The following MYT1 variants were observed in gnomAD, a reference collection of about 807,000 sequenced individuals.
The protein encoded by MYT1 is myelin transcription factor I.
Under a neutral mutation model 123.0 loss-of-function variants are expected in MYT1, and 23 were observed. The ratio of observed to expected loss-of-function variants is 0.19; its 90% CI spans 0.13 to 0.26. MYT1 has a LOEUF of 0.26. Ranked by LOEUF, MYT1 falls within the 10% of genes least tolerant of loss-of-function variation. MYT1 has a pLI of 1.00. For synonymous variants in MYT1, 518 were observed against 575.3 expected (o/e 0.90, Z 1.43); for missense variants, 1,125 against 1,472.5 (o/e 0.76, Z 3.86).
Position 64,208,040 on chromosome 20 carries a change from G to C in MYT1, c.844G>C (p.Glu282Gln). ...EEDEEEEEEE[E>Q]EEEEEEEEEE... is the part of the protein sequence containing the mutation. Reference sequence around the variant, plus strand: ...GGATGAAGAAGAGGAAGAGGAAGAGGAGGAGGAAGAGGAAGAGGAGGAGGA... The same window carrying C: ...GGATGAAGAAGAGGAAGAGGAAGAGCAGGAGGAAGAGGAAGAGGAGGAGGA... Residue 282 changes from glutamate to glutamine, a missense_variant, in exon 7 of 23, where the codon GAG becomes CAG. Transcript: ENST00000328439. The surrounding 1 kb of genome is among the most constrained non-coding windows in gnomAD (Gnocchi z 5.4). The C allele has an allele frequency of 1.0e-5, 16 of 1,601,736 alleles. No individual in the cohort carries two copies. The highest frequency in any genetic ancestry group is 1.4e-5 in the Non-Finnish European group (16 of 1,174,822).
chr20:64,239,023 C>A (rs1036481619), intron 21 of MYT1, among the ~76,000 whole-genome samples: 5 of 152,226 alleles, frequency 3.3e-5, no homozygotes, highest in Non-Finnish European at 5.9e-5. Context: ...GGAATGAGCT[C>A]CCCACTCCTG....
intron 2 of MYT1, among the ~76,000 whole-genome samples, chr20:64,195,582 G>T (rs1019383509): frequency 6.6e-6 from 1 of 151,962 alleles, no homozygotes; most frequent in South Asian, 2.1e-4. Flanking sequence ...TTTCAGTAGA[G>T]ATGGGGTTTC....
Position 64,218,870 on chromosome 20 carries a change from C to T in MYT1, c.1847-41C>T, listed in dbSNP as rs199843042. The T allele has an allele frequency of 5.6e-6, 9 of 1,612,454 alleles. No individual in the cohort carries two copies. Among genetic ancestry groups the T allele is most frequent in the Non-Finnish European group, 7.6e-6 (9 of 1,180,032 alleles). ...AGGCCTCTTCCCCCAGGCACAGCCC[C>T]TCCAGTAGTTATGTGAGGAGCACTT... On this transcript the variant is annotated intron_variant, in intron 11 of 22. Coordinates refer to ENST00000328439, the MANE Select transcript of MYT1 (RefSeq NM_004535.3). This position sits in a 1 kb window ranked among gnomAD's most constrained non-coding sequence, Gnocchi z 4.0.
At chr20:64,217,397 C>A in intron 11 of MYT1, 116 bp downstream of exon 11, 1 of 1,149,734 alleles carries the variant, frequency 8.7e-7, no homozygotes, top group South Asian at 1.4e-5. Context: ...GGAAACTCTA[C>A]CCTCATGGGA....
At chr20:64,176,452 C>G in intron 1 of MYT1, among the ~76,000 whole-genome samples, 1 of 150,514 alleles carries the variant, frequency 6.6e-6, no homozygotes, top group Non-Finnish European at 1.5e-5. Flanking sequence ...GCATCTTTCC[C>G]TGTAGTTGTG....
intron 1 of MYT1, among the ~76,000 whole-genome samples, chr20:64,179,333 C>T (rs370197390): frequency 6.6e-6 from 1 of 152,238 alleles, no homozygotes; most frequent in Non-Finnish European, 1.5e-5. Flanking sequence ...GTGGGAGGTT[C>T]TCCCTTCACC....
At chr20:64,235,323 C>G (rs1601726315) in intron 19 of MYT1, among the ~76,000 whole-genome samples, 1 of 106,976 alleles carries the variant, frequency 9.3e-6, no homozygotes, top group African/African-American at 4.2e-5. Context: ...GGTGGGTGAC[C>G]CTGGGCTGGC....
chr20:64,190,212 T>G lies in MYT1; in HGVS notation c.-1+52T>G, dbSNP rs1982922960. On this transcript the variant is annotated intron_variant, in intron 2 of 22. Transcript: ENST00000328439. This position sits in a 1 kb window ranked among gnomAD's most constrained non-coding sequence, Gnocchi z 4.1. ...CGTAGGGCCCCACCCCATGGCTGCC[T>G]GCACAAAGCCTCTCTTCAGCTGCAG... 1 of 152,652 alleles carries G rather than the reference T, an allele frequency of 6.6e-6. No homozygotes were observed. The highest frequency in any genetic ancestry group is 2.1e-4 in the South Asian group (1 of 4,834). 9.5% of individuals were successfully genotyped at this position (152,652 alleles called of 1,614,324 possible). A position where few individuals can be genotyped will look rare whatever the true frequency, so the allele number is the denominator to read the frequency against.
intron 1 of MYT1, among the ~76,000 whole-genome samples, chr20:64,181,189 G>A (rs917979750): frequency 3.3e-5 from 5 of 152,032 alleles, no homozygotes; most frequent in Admixed American, 6.5e-5. Flanking sequence ...TTATAGTGCC[G>A]GGCTTGGTTG....
At position 64,212,163 on chromosome 20, in the gene MYT1, GT is replaced by G; in HGVS notation, c.1517+26del. On this transcript the variant is annotated intron_variant, in intron 9 of 22. Coordinates refer to ENST00000328439, the MANE Select transcript of MYT1 (RefSeq NM_004535.3). The surrounding 1 kb of genome is among the most constrained non-coding windows in gnomAD (Gnocchi z 6.8). ...GGTACTTGGACTGAGCTGGGCCGTA[GT>G]GGGGGCCAGGGTGGGGGCCGTGGTG... 3.5e-6 allele frequency: 5 copies of G among 1,410,102 alleles called. No individual in the cohort carries two copies. The highest frequency in any genetic ancestry group is 2.1e-5 in the African/African-American group (1 of 46,610). The allele number at this position is 1,410,102 out of a possible 1,614,324, so 87.3% of individuals were successfully genotyped here.
chr20:64,219,272 G>A (rs1489560291), intron 12 of MYT1, among the ~76,000 whole-genome samples: 1 of 152,192 alleles, frequency 6.6e-6, no homozygotes, highest in Non-Finnish European at 1.5e-5. Flanking sequence ...GCGAACACAA[G>A]TTCCCACGTG....
In MYT1 at chr20:64,208,144, C is replaced by T. The variant is rs1983553442; in HGVS notation, c.948C>T (p.Asp316=). ...EAAPDVIFQE[D]TSHTSAQKAP... ...CTCCTGATGTGATCTTTCAGGAAGA[C>T]ACCTCTCACACCTCTGCCCAGAAGG... The change falls in exon 7 of 23, where the codon GAC becomes GAT. Residue 316 remains aspartate, a synonymous_variant. Transcript: ENST00000328439. The surrounding 1 kb of genome is among the most constrained non-coding windows in gnomAD (Gnocchi z 5.4). The T allele has an allele frequency of 1.9e-6, 3 of 1,612,618 alleles. No individual in the cohort carries two copies. The highest frequency in any genetic ancestry group is 1.7e-5 in the Admixed American group (1 of 59,968).
Position 64,167,955 on chromosome 20 carries a change from C to G in MYT1, c.-99+3216C>G, listed in dbSNP as rs541234391. Among the ~76,000 whole-genome samples, 1 of 152,356 alleles carries G rather than the reference C, an allele frequency of 6.6e-6. No homozygotes were observed. The highest frequency in any genetic ancestry group is 2.1e-4 in the South Asian group (1 of 4,826). ...GAAGAGAGCAGTGGCTGCCGTGCTG[C>G]TCCCCCGTGGGCTTCCTGCTCTTTG... On this transcript the variant is annotated intron_variant, in intron 1 of 22. Transcript: ENST00000328439. This position sits in a 1 kb window ranked among gnomAD's most constrained non-coding sequence, Gnocchi z 6.3.
chr20:64,217,025 G>C (rs767160461), intron 10 of MYT1, 42 bp from the exon 11 acceptor site: 1 of 1,579,586 alleles, frequency 6.3e-7, no homozygotes, highest in East Asian at 2.3e-5. Flanking sequence ...GGGATCCCCA[G>C]GTCCCATCTC....
chr20:64,235,345 A>G (rs1338833798), intron 19 of MYT1, among the ~76,000 whole-genome samples: 15 of 113,606 alleles, frequency 1.3e-4, no homozygotes, highest in African/African-American at 3.4e-4. Flanking sequence ...GTGGTGGGTG[A>G]CCCTGGGATG....
rs1013724325 is a variant in MYT1, at chr20:64,193,735, C to T, written c.-1+3575C>T. ...ATGGTCCGCTGGGACTCAGCAGGTG[C>T]TCTTCCTCTTCTTCTAGGTCTCTGG... On this transcript the variant is annotated intron_variant, in intron 2 of 22. Coordinates refer to ENST00000328439, the MANE Select transcript of MYT1 (RefSeq NM_004535.3). This position sits in a 1 kb window ranked among gnomAD's most constrained non-coding sequence, Gnocchi z 4.0. Among the ~76,000 whole-genome samples the T allele has an allele frequency of 1.3e-5, 2 of 152,202 alleles. No individual in the cohort carries two copies. Among genetic ancestry groups the T allele is most frequent in the African/African-American group, 2.4e-5 (1 of 41,522 alleles).
chr20:64,219,182 G>T, intron 12 of MYT1, 147 bp downstream of exon 12: 1 of 1,168,710 alleles, frequency 8.6e-7, no homozygotes, highest in Non-Finnish European at 1.2e-6. Context: ...CTCCCTCCTG[G>T]CCATGGCCCC....
chr20:64,237,959 CG>C (rs1474620759), intron 21 of MYT1, among the ~76,000 whole-genome samples: 1 of 152,138 alleles, frequency 6.6e-6, no homozygotes, highest in Non-Finnish European at 1.5e-5. Context: ...GTACAATGAA[CG>C]CATTTCTATG....
chr20:64,170,103 C>A (rs1225646524), intron 1 of MYT1, among the ~76,000 whole-genome samples: 1 of 152,176 alleles, frequency 6.6e-6, no homozygotes, highest in African/African-American at 2.4e-5. Flanking sequence ...TACCCTCCAA[C>A]CTTATTCTCC....
Sources: gnomAD v4.1 joint callset for allele counts (sites outside exome capture counted in the v4.1 genomes callset) on GRCh38, gnomAD v4.1.1 for gene constraint, Gnocchi (gnomAD v3.1) non-coding constraint, MANE v1.5 for transcripts, NCBI Gene and HGNC (gene_info 2026-07-23, HGNC 2026-07-21) for gene names.